The following TMCC1 variants were observed in gnomAD, a reference collection of about 807,000 sequenced individuals.
TMCC1 encodes the protein transmembrane and coiled-coil domain family 1.
Under a neutral mutation model 52.4 loss-of-function variants are expected in TMCC1, and 15 were observed. The observed-to-expected ratio is 0.29, with a 90% confidence interval of 0.19 to 0.44. The LOEUF (loss-of-function observed/expected upper bound fraction) is 0.44, where lower values mean the gene tolerates loss of function less well. TMCC1 is among the 20% of genes least tolerant of loss of function. TMCC1 has a pLI of 1.00. For missense variants in TMCC1, 503 were observed against 806.0 expected (o/e 0.62, Z 4.55); for synonymous variants, 279 against 301.9 (o/e 0.92, Z 0.79).
Position 129,874,304 on chromosome 3 carries a change from A to G in TMCC1, c.-184+6005T>C, listed in dbSNP as rs1482371988. ...ACCTAAAAATTATTGTTTGCCTACC[A>G]GCACCTGGCATAATGCCTTGCCTAT... is the stretch of plus-strand genomic sequence containing the variant. On this transcript the variant is annotated intron_variant, in intron 2 of 6. Transcript: ENST00000393238. 1.2e-4 allele frequency among the ~76,000 whole-genome samples: 18 copies of G among 152,252 alleles called. 1 individual carries two copies. The highest frequency in any genetic ancestry group is 1.2e-3 in the Admixed American group (18 of 15,288).
intron 4 of TMCC1, among the ~76,000 whole-genome samples, chr3:129,672,583 G>A (rs1299831816): frequency 6.6e-6 from 1 of 152,118 alleles, no homozygotes; most frequent in Non-Finnish European, 1.5e-5. Context: ...CTGAGTGACA[G>A]AGCGAGACCC....
intron 4 of TMCC1, among the ~76,000 whole-genome samples, chr3:129,825,418 TAAG>T (rs1260926176): frequency 2.0e-5 from 3 of 151,748 alleles, no homozygotes; most frequent in South Asian, 2.1e-4. Context: ...TGGCTATAAA[TAAG>T]AAGATGATAT....
chr3:129,870,035 A>G (rs779665173), intron 2 of TMCC1, among the ~76,000 whole-genome samples: 1 of 152,244 alleles, frequency 6.6e-6, no homozygotes, highest in Non-Finnish European at 1.5e-5. Context: ...ACTTTTTATC[A>G]TGTAGTGTAA....
intron 2 of TMCC1, among the ~76,000 whole-genome samples, chr3:129,878,861 T>A (rs1294848854): frequency 6.6e-6 from 1 of 152,126 alleles, no homozygotes; most frequent in Admixed American, 6.5e-5. Context: ...TGAAAAGCAC[T>A]TCCATAAAGC....
intron 4 of TMCC1, among the ~76,000 whole-genome samples, chr3:129,733,684 G>C (rs900186631): frequency 2.6e-5 from 4 of 152,088 alleles, no homozygotes; most frequent in African/African-American, 9.7e-5. Context: ...TTTTAGTTTT[G>C]CGGTCTTGAA....
rs1164289520 is a variant in TMCC1, at chr3:129,648,335, C to T, written c.*3146G>A. On this transcript the variant is annotated 3_prime_UTR_variant, in exon 7 of 7. Transcript: ENST00000393238. Reference sequence around the variant, plus strand: ...AAATACGCTCATTATTTGGACATGGCTAGTGAGGAAGGCTCGCTCCCAATA... The same window carrying T: ...AAATACGCTCATTATTTGGACATGGTTAGTGAGGAAGGCTCGCTCCCAATA... The T allele has an allele frequency of 2.0e-5, 3 of 152,198 alleles. No individual in the cohort carries two copies. Among genetic ancestry groups the T allele is most frequent in the Non-Finnish European group, 4.4e-5 (3 of 68,048 alleles). 9.4% of individuals were successfully genotyped at this position (152,198 alleles called of 1,614,324 possible). A position where few individuals can be genotyped will look rare whatever the true frequency, so the allele number is the denominator to read the frequency against.
intron 4 of TMCC1, among the ~76,000 whole-genome samples, chr3:129,784,904 C>A (rs1364878488): frequency 6.6e-6 from 1 of 150,496 alleles, no homozygotes; most frequent in East Asian, 2.0e-4. Context: ...CCCTTCAGCC[C>A]AGGAGTTTGA....
intron 4 of TMCC1, among the ~76,000 whole-genome samples, chr3:129,701,558 A>G (rs983209949): frequency 1.3e-5 from 2 of 152,260 alleles, no homozygotes; most frequent in Non-Finnish European, 1.5e-5. Flanking sequence ...ATGAATATAT[A>G]AATAAGGCAA....
chr3:129,872,450 T>C (rs897088788), intron 2 of TMCC1, among the ~76,000 whole-genome samples: 3 of 152,186 alleles, frequency 2.0e-5, no homozygotes, highest in African/African-American at 7.2e-5. Flanking sequence ...ATCCCACAAA[T>C]ATGCAATATG....
chr3:129,812,601 G>A (rs181798693), intron 4 of TMCC1, among the ~76,000 whole-genome samples: 14 of 151,648 alleles, frequency 9.2e-5, no homozygotes, highest in Admixed American at 5.9e-4. Context: ...ACCCGACCTC[G>A]CCCCAAAAAA....
chr3:129,743,335 T>C (rs1253515187), intron 4 of TMCC1, among the ~76,000 whole-genome samples: 1 of 152,238 alleles, frequency 6.6e-6, no homozygotes, highest in Non-Finnish European at 1.5e-5. Context: ...GCTTGTAGTT[T>C]GTACATCTGA....
At chr3:129,688,582 T>C (rs757248269) in intron 4 of TMCC1, 13 of 985,410 alleles carry the variant, frequency 1.3e-5, no homozygotes, top group African/African-American at 3.5e-5. Flanking sequence ...AGCCTATGTA[T>C]AGTTTCAATT....
intron 4 of TMCC1, among the ~76,000 whole-genome samples, chr3:129,742,232 G>C (rs887630115): frequency 5.9e-5 from 9 of 151,958 alleles, no homozygotes; most frequent in Admixed American, 5.9e-4. Context: ...AAATAGATAT[G>C]ATCAAAATTA....
intron 4 of TMCC1, among the ~76,000 whole-genome samples, chr3:129,735,780 C>G (rs2050908607): frequency 1.3e-5 from 2 of 152,210 alleles, no homozygotes; most frequent in South Asian, 4.1e-4. Context: ...TGACTCAAGA[C>G]AGTAAGGAGA....
At chr3:129,694,145 C>G (rs574309763) in intron 4 of TMCC1, among the ~76,000 whole-genome samples, 1 of 152,246 alleles carries the variant, frequency 6.6e-6, no homozygotes, top group African/African-American at 2.4e-5. Flanking sequence ...TTATAGGTAC[C>G]ACAGGTGAAA....
chr3:129,708,481 AAAT>A (rs770468585), intron 4 of TMCC1, among the ~76,000 whole-genome samples: 1 of 152,254 alleles, frequency 6.6e-6, no homozygotes, highest in Admixed American at 6.5e-5. Context: ...AAACTGTTAA[AAAT>A]AATTGCCCTT....
chr3:129,836,392 T>C (rs1261317895), intron 2 of TMCC1, among the ~76,000 whole-genome samples: 1 of 152,088 alleles, frequency 6.6e-6, no homozygotes, highest in Non-Finnish European at 1.5e-5. Flanking sequence ...CATCCAATAA[T>C]TGCAAAATAT....
At chr3:129,785,933 C>CTTTTT (rs11391336) in intron 4 of TMCC1, among the ~76,000 whole-genome samples, 1 of 127,642 alleles carries the variant, frequency 7.8e-6, no homozygotes, top group African/African-American at 2.9e-5. Flanking sequence ...CCCTCACCCC[C>CTTTTT]TTTTTTTTTT....
chr3:129,828,349 A>C lies in TMCC1; in HGVS notation c.30T>G (p.Phe10Leu), dbSNP rs1383632930. MEPSGSEQL[F>L]EDPDPGGKSQ... ...ATTTGCCTCCAGGATCAGGGTCCTC[A>C]AATAACTGTTCACTGCCCGAAGGCT... Residue 10 changes from phenylalanine (F) to leucine (L), a missense_variant, in exon 4 of 7, where the codon TTT (phenylalanine) becomes TTG (leucine). Coordinates refer to ENST00000393238, the MANE Select transcript of TMCC1 (RefSeq NM_001017395.5). This position sits in a 1 kb window ranked among gnomAD's most constrained non-coding sequence, Gnocchi z 4.1. The C allele has an allele frequency of 6.2e-7, 1 of 1,614,002 alleles. No individual in the cohort carries two copies. Among genetic ancestry groups the C allele is most frequent in the Admixed American group, 1.7e-5 (1 of 60,010 alleles).
Sources: gnomAD v4.1 joint callset for allele counts (sites outside exome capture counted in the v4.1 genomes callset) on GRCh38, gnomAD v4.1.1 for gene constraint, Gnocchi (gnomAD v3.1) non-coding constraint, MANE v1.5 for transcripts, NCBI Gene and HGNC (gene_info 2026-07-23, HGNC 2026-07-21) for gene names.